Variants in LPAR3 observed in about 807,000 individuals in gnomAD.
LPAR3 encodes the protein lysophosphatidic acid receptor 3.
A neutral mutation model predicts 17.8 loss-of-function variants in LPAR3; 7 were observed. That is an observed-to-expected ratio of 0.39 (90% CI 0.22 to 0.74). The LOEUF is 0.74. Among genes scored for constraint, LPAR3 ranks in the 30% least tolerant of loss-of-function variants. The pLI, the probability that LPAR3 is intolerant of heterozygous loss-of-function variation, is 0.40. For synonymous variants in LPAR3, 179 were observed against 179.9 expected (o/e 0.99, Z 0.04); for missense variants, 391 against 453.4 (o/e 0.86, Z 1.25).
chr1:84,885,758 G>A (rs1660449520), intron 1 of LPAR3, among the ~76,000 whole-genome samples: 1 of 152,170 alleles, frequency 6.6e-6, no homozygotes, highest in African/African-American at 2.4e-5. Context: ...CAAAGGTGGT[G>A]GACACAGAGG....
intron 2 of LPAR3, among the ~76,000 whole-genome samples, chr1:84,824,722 T>C (rs1659120625): frequency 6.6e-6 from 1 of 152,210 alleles, no homozygotes; most frequent in South Asian, 2.1e-4. Flanking sequence ...TAGTGTTGGT[T>C]ACTTCCTCTG....
chr1:84,861,586 T>C (rs907654701), intron 2 of LPAR3, among the ~76,000 whole-genome samples: 1 of 152,232 alleles, frequency 6.6e-6, no homozygotes, highest in African/African-American at 2.4e-5. Context: ...CAGATCACCC[T>C]TGTAGAAAAT....
At chr1:84,846,675 C>T (rs531977713) in intron 2 of LPAR3, among the ~76,000 whole-genome samples, 18 of 152,174 alleles carry the variant, frequency 1.2e-4, no homozygotes, top group Admixed American at 2.6e-4. Flanking sequence ...ATTGTTTTCT[C>T]CTTTAGATCA....
intron 2 of LPAR3, among the ~76,000 whole-genome samples, chr1:84,839,907 T>C (rs973127575): frequency 3.9e-5 from 6 of 152,196 alleles, no homozygotes; most frequent in African/African-American, 1.4e-4. Context: ...TTTAAGCTCC[T>C]GGCAAATACA....
intron 1 of LPAR3, among the ~76,000 whole-genome samples, chr1:84,883,137 C>A (rs1182841630): frequency 6.6e-6 from 1 of 152,174 alleles, no homozygotes; most frequent in Non-Finnish European, 1.5e-5. Flanking sequence ...GTTAGTGGGA[C>A]AAAGTGAATG....
At chr1:84,863,527 C>T (rs1659979942) in intron 2 of LPAR3, among the ~76,000 whole-genome samples, 2 of 152,204 alleles carry the variant, frequency 1.3e-5, no homozygotes, top group Admixed American at 1.3e-4. Flanking sequence ...GCTGGCTGCC[C>T]CTTACCTCCT....
chr1:84,833,629 C>A (rs964684998), intron 2 of LPAR3, among the ~76,000 whole-genome samples: 1 of 152,190 alleles, frequency 6.6e-6, no homozygotes, highest in Admixed American at 6.5e-5. Flanking sequence ...AGAGCCAGAC[C>A]GCTGGATTCA....
rs59691846 is a variant in LPAR3, at chr1:84,813,159, A to ATATATATATG, written c.*686_*687insCATATATATA. The ATATATATATG allele has an allele frequency of 3.3e-4, 32 of 97,560 alleles. No homozygotes were observed. The highest frequency in any genetic ancestry group is 1.1e-3 in the African/African-American group (30 of 26,128). The allele number at this position is 97,560 out of a possible 1,614,324, so 6.0% of individuals were successfully genotyped here. On this transcript the variant is annotated 3_prime_UTR_variant, in exon 3 of 3. Transcript: ENST00000370611. ...TATATATATATATATATATATATAT[A>ATATATATATG]GACACACACACACACACACACACAC...
chr1:84,849,372 CAAAAAAA>C (rs34239236), intron 2 of LPAR3, among the ~76,000 whole-genome samples: 40 of 77,544 alleles, frequency 5.2e-4, no homozygotes, highest in African/African-American at 1.9e-3. Flanking sequence ...AGACTCATCT[CAAAAAAA>C]AAAAAAAAAA....
intron 2 of LPAR3, among the ~76,000 whole-genome samples, chr1:84,838,660 C>A (rs749844890): frequency 3.3e-5 from 5 of 152,122 alleles, no homozygotes; most frequent in African/African-American, 7.2e-5. Context: ...CCAGTCTCAA[C>A]CTCTCTAATT....
intron 2 of LPAR3, among the ~76,000 whole-genome samples, chr1:84,844,190 A>G (rs1360614330): frequency 6.6e-6 from 1 of 152,300 alleles, no homozygotes; most frequent in East Asian, 1.9e-4. Context: ...GTGGCCAAAT[A>G]TCTCAATTTC....
At chr1:84,891,398 G>A (rs1446339713) in intron 1 of LPAR3, among the ~76,000 whole-genome samples, 1 of 152,228 alleles carries the variant, frequency 6.6e-6, no homozygotes, top group African/African-American at 2.4e-5. Flanking sequence ...CAAGGCACAA[G>A]AGACAACTCT....
intron 1 of LPAR3, among the ~76,000 whole-genome samples, chr1:84,881,441 A>G (rs1243015503): frequency 6.6e-6 from 1 of 152,240 alleles, no homozygotes; most frequent in African/African-American, 2.4e-5. Context: ...AATGCTTAGT[A>G]CACAGGATGC....
intron 2 of LPAR3, among the ~76,000 whole-genome samples, chr1:84,860,734 ATTTTTTT>A (rs35354113): frequency 7.0e-4 from 79 of 113,554 alleles, no homozygotes; most frequent in African/African-American, 8.6e-4. Flanking sequence ...TTAGGATTTA[ATTTTTTT>A]TTTTTTTTTT....
chr1:84,864,773 T>A (rs1424235452), intron 2 of LPAR3, among the ~76,000 whole-genome samples: 1 of 151,456 alleles, frequency 6.6e-6, no homozygotes, highest in East Asian at 1.9e-4. Context: ...ACAGAGTGAG[T>A]GAGGCTCCGG....
intron 2 of LPAR3, among the ~76,000 whole-genome samples, chr1:84,821,949 C>T (rs1384675730): frequency 1.3e-5 from 2 of 152,120 alleles, no homozygotes; most frequent in East Asian, 3.9e-4. Context: ...TCTGTGGCTT[C>T]TCCAGTTGGA....
At chr1:84,833,889 C>A (rs999032527) in intron 2 of LPAR3, among the ~76,000 whole-genome samples, 2 of 152,184 alleles carry the variant, frequency 1.3e-5, no homozygotes, top group African/African-American at 2.4e-5. Context: ...GATGGTCAAA[C>A]TCAAACTCAA....
At chr1:84,873,361 G>GACTGCT (rs1421584421) in intron 1 of LPAR3, among the ~76,000 whole-genome samples, 2 of 152,144 alleles carry the variant, frequency 1.3e-5, no homozygotes, top group African/African-American at 4.8e-5. Context: ...GTATATAGAA[G>GACTGCT]ACTGCTCTGT....
At chr1:84,888,099 T>C (rs562052193) in intron 1 of LPAR3, among the ~76,000 whole-genome samples, 1 of 151,562 alleles carries the variant, frequency 6.6e-6, no homozygotes, top group South Asian at 2.1e-4. Flanking sequence ...TATGACTTCC[T>C]CTCAGAATAA....
Sources: gnomAD v4.1 joint callset for allele counts (sites outside exome capture counted in the v4.1 genomes callset) on GRCh38, gnomAD v4.1.1 for gene constraint, MANE v1.5 for transcripts, NCBI Gene and HGNC (gene_info 2026-07-23, HGNC 2026-07-21) for gene names.